The following CCDC73 variants were observed in gnomAD, a reference collection of about 807,000 sequenced individuals.
The protein encoded by CCDC73 is coiled-coil domain containing 73.
In CCDC73, 95 loss-of-function variants were observed where a neutral mutation model predicts 116.5. The observed-to-expected ratio is 0.82, with a 90% CI of 0.69 to 0.97. CCDC73 has a LOEUF of 0.97. Among genes scored for constraint, CCDC73 ranks in the 50% least tolerant of loss-of-function variants. The probability of loss-of-function intolerance (pLI) is 0.00; values close to 1 mark genes in which losing one functional copy is unlikely to be tolerated. For missense variants in CCDC73, 1,066 were observed against 1,206.8 expected, an observed-to-expected ratio of 0.88 and a Z score of 1.73; for synonymous variants, 398 against 401.3, an observed-to-expected ratio of 0.99 and a Z score of 0.10.
intron 5 of CCDC73, 134 bp from the exon 6 acceptor site, chr11:32,699,459 G>A: frequency 8.0e-6 from 9 of 1,126,488 alleles, no homozygotes; most frequent in Admixed American, 4.2e-5. Context: ...TAATACAAAG[G>A]GTAAAATATA....
At chr11:32,728,344 TATC>T (rs1457652594) in intron 2 of CCDC73, among the ~76,000 whole-genome samples, 1 of 152,242 alleles carries the variant, frequency 6.6e-6, no homozygotes, top group African/African-American at 2.4e-5. Flanking sequence ...GATCCAATAA[TATC>T]ATTATTTTGT....
chr11:32,723,664 C>T (rs1301057143), intron 2 of CCDC73, among the ~76,000 whole-genome samples: 2 of 152,114 alleles, frequency 1.3e-5, no homozygotes, highest in Admixed American at 6.5e-5. Context: ...TTAAAAAAGG[C>T]ATGACACTTT....
In CCDC73 at chr11:32,660,673, A is replaced by T. The variant is rs185333770; in HGVS notation, c.646-5701T>A. Among the ~76,000 whole-genome samples, 250 of 151,944 alleles carry T rather than the reference A, an allele frequency of 1.6e-3. 1 individual carries two copies. Among genetic ancestry groups the T allele is most frequent in the Non-Finnish European group, 3.0e-3 (206 of 67,970 alleles). ...GACCCCATCTCTAAAAAAAAACAAA[A>T]ATTAGTCAGGCATAGTGGCATGCCT... On this transcript the variant is annotated intron_variant, in intron 9 of 17. Coordinates refer to ENST00000335185, the MANE Select transcript of CCDC73 (RefSeq NM_001008391.4).
intron 2 of CCDC73, among the ~76,000 whole-genome samples, chr11:32,738,288 C>T (rs1041405363): frequency 5.9e-5 from 9 of 152,104 alleles, no homozygotes; most frequent in Admixed American, 2.6e-4. Flanking sequence ...AATTGTTCTC[C>T]GTAGGGGTTA....
chr11:32,788,949 A>C (rs1850649947), intron 1 of CCDC73, among the ~76,000 whole-genome samples: 1 of 152,230 alleles, frequency 6.6e-6, no homozygotes, highest in Non-Finnish European at 1.5e-5. Context: ...CATTCACTTT[A>C]TCTCTAAAAT....
In CCDC73 at chr11:32,614,701, T is replaced by C. The variant is rs1855458675; in HGVS notation, c.1617A>G (p.Val539=). The C allele has an allele frequency of 1.9e-6, 3 of 1,611,716 alleles. No homozygotes were observed. Among genetic ancestry groups the C allele is most frequent in the South Asian group, 2.2e-5 (2 of 91,000 alleles). ...CTGTTTCTATTGCTGTATCTAACAC[T>C]ACAAAATGATTATTTGGTGATTTAA... ...TEFKSPNNHF[V]VLDTAIETEK... is the part of the protein sequence containing the mutation. Residue 539 remains valine (V), a synonymous_variant, in exon 16 of 18, where the codon GTA becomes GTG. Transcript: ENST00000335185.
At chr11:32,657,811 G>T (rs937832404) in intron 9 of CCDC73, among the ~76,000 whole-genome samples, 5 of 151,808 alleles carry the variant, frequency 3.3e-5, no homozygotes, top group Admixed American at 2.0e-4. Context: ...AACTATTCTG[G>T]GCAACAAAGC....
intron 3 of CCDC73, among the ~76,000 whole-genome samples, chr11:32,707,247 C>G (rs886601335): frequency 2.6e-5 from 4 of 152,030 alleles, no homozygotes; most frequent in African/African-American, 9.7e-5. Flanking sequence ...ACTGTTGTTT[C>G]CCAGTCAAAA....
chr11:32,611,483 G>A (rs150844984), intron 16 of CCDC73, among the ~76,000 whole-genome samples: 1 of 152,252 alleles, frequency 6.6e-6, no homozygotes, highest in African/African-American at 2.4e-5. Flanking sequence ...TCTAAAACCT[G>A]ATTACTGTAA....
chr11:32,796,275 A>G (rs540245948), upstream of CCDC73, among the ~76,000 whole-genome samples: 2 of 152,258 alleles, frequency 1.3e-5, no homozygotes, highest in African/African-American at 4.8e-5. Context: ...AGAATCTAGC[A>G]CAATGCCTGG....
chr11:32,636,812 G>A (rs559502131), intron 13 of CCDC73, among the ~76,000 whole-genome samples: 1 of 151,590 alleles, frequency 6.6e-6, no homozygotes, highest in Non-Finnish European at 1.5e-5. Flanking sequence ...TCTTTTCCAA[G>A]GCTAAACTCT....
intron 2 of CCDC73, among the ~76,000 whole-genome samples, chr11:32,739,230 G>A (rs1850162312): frequency 6.6e-6 from 1 of 152,048 alleles, no homozygotes; most frequent in Non-Finnish European, 1.5e-5. Context: ...TTTCTCTGAA[G>A]AATGCCATTA....
chr11:32,794,989 C>T (rs1234386330), upstream of CCDC73, among the ~76,000 whole-genome samples: 3 of 150,820 alleles, frequency 2.0e-5, no homozygotes, highest in Admixed American at 6.6e-5. Context: ...CTCAGCCTCC[C>T]GATATATTCG....
At chr11:32,784,570 G>A (rs1353878312) in intron 1 of CCDC73, among the ~76,000 whole-genome samples, 1 of 152,058 alleles carries the variant, frequency 6.6e-6, no homozygotes, top group African/African-American at 2.4e-5. Flanking sequence ...TTAGATAATG[G>A]GTAAAACTGG....
Position 32,675,966 on chromosome 11 carries a change from C to G in CCDC73, c.485G>C (p.Ser162Thr). ...TGTGGCATAATATTTCTCAATTTCA[C>G]TCAGTTGCTTATGATAGTCTTCTTT... ...LAKEDYHKQL[S>T]EIEKYYATIT... The change falls in exon 8 of 18, where the codon AGT (serine) becomes ACT (threonine). Residue 162 changes from serine to threonine, a missense_variant. Ser to Thr is a moderately conservative substitution (Grantham distance 58, BLOSUM62 1). Transcript: ENST00000335185. 6 of 1,609,180 alleles carry G rather than the reference C, an allele frequency of 3.7e-6. No individual in the cohort carries two copies. Among genetic ancestry groups the G allele is most frequent in the Non-Finnish European group, 5.1e-6 (6 of 1,178,276 alleles).
intron 1 of CCDC73, among the ~76,000 whole-genome samples, chr11:32,773,368 A>G (rs1850506951): frequency 6.6e-6 from 1 of 152,168 alleles, no homozygotes; most frequent in Non-Finnish European, 1.5e-5. Flanking sequence ...GGTGATGGAT[A>G]AACAACTGTG....
At chr11:32,791,128 T>C (rs2133407372) in intron 1 of CCDC73, among the ~76,000 whole-genome samples, 1 of 152,290 alleles carries the variant, frequency 6.6e-6, no homozygotes, top group Non-Finnish European at 1.5e-5. Context: ...TTCTTGTTAC[T>C]AACAGAAAAT....
chr11:32,787,839 G>GT (rs1554970815), intron 1 of CCDC73, among the ~76,000 whole-genome samples: 2 of 152,118 alleles, frequency 1.3e-5, no homozygotes, highest in Non-Finnish European at 2.9e-5. Context: ...TATGATCTGG[G>GT]ATTGCTACAA....
chr11:32,614,784 C>T lies in CCDC73; in HGVS notation c.1534G>A (p.Val512Ile), dbSNP rs1032027421. 4 of 1,613,086 alleles carry T rather than the reference C, an allele frequency of 2.5e-6. No individual in the cohort carries two copies. In the African/African-American group the frequency reaches 4.0e-5, roughly 16 times the overall value. Reference sequence around the variant, plus strand: ...ATCTTGTCTTTTATTTCTGTAGTAACTGATTTTCTGTTGTCCGTAACATTC... The same window carrying T: ...ATCTTGTCTTTTATTTCTGTAGTAATTGATTTTCTGTTGTCCGTAACATTC... ...TSNVTDNRKS[V>I]TTEIKDKICL... The change falls in exon 16 of 18, where the codon GTT becomes ATT. Residue 512 changes from valine to isoleucine, a missense_variant. Transcript: ENST00000335185.
Sources: allele counts gnomAD v4.1 joint callset (sites outside exome capture counted in the v4.1 genomes callset), GRCh38; gene constraint gnomAD v4.1.1; transcripts MANE v1.5; gene names NCBI Gene and HGNC (gene_info 2026-07-23, HGNC 2026-07-21).